DMD: variants seen among roughly 807,000 people sequenced by gnomAD.
DMD encodes mutant dystrophin.
Under a neutral mutation model 330.1 loss-of-function variants are expected in DMD, and 63 were observed. That is an observed-to-expected ratio of 0.19 (90% CI 0.16 to 0.24). The LOEUF (loss-of-function observed/expected upper bound fraction) is 0.24. Ranked by LOEUF, DMD falls within the 10% of genes least tolerant of loss-of-function variation. The pLI, the probability that DMD is intolerant of heterozygous loss-of-function variation, is 1.00. For missense variants in DMD, 3,344 were observed against 2,684.1 expected, an observed-to-expected ratio of 1.25 and a Z score of -5.43; for synonymous variants, 1,223 against 959.8, an observed-to-expected ratio of 1.27 and a Z score of -5.07.
chrX:33,233,133 T>C (rs772789026), intron 1 of DMD, among the ~76,000 whole-genome samples: 1 of 112,121 alleles, frequency 8.9e-6, no homozygotes, highest in Non-Finnish European at 1.9e-5. Flanking sequence ...TTAACCTGAT[T>C]TAATCACTCT....
At chrX:32,439,708 T>A (rs1008426913) in intron 28 of DMD, among the ~76,000 whole-genome samples, 1 of 111,311 alleles carries the variant, frequency 9.0e-6, no homozygotes, top group African/African-American at 3.3e-5. Flanking sequence ...AATGTCCTCC[T>A]GGATAAGCAT....
At chrX:31,950,995 C>T (rs1313689381) in intron 45 of DMD, among the ~76,000 whole-genome samples, 4 of 105,320 alleles carry the variant, frequency 3.8e-5, no homozygotes, top group Admixed American at 1.0e-4. Context: ...GGTTGAGTAT[C>T]CCATATCCAA....
chrX:31,671,342 T>C (rs1353588532), intron 53 of DMD, among the ~76,000 whole-genome samples: 1 of 112,848 alleles, frequency 8.9e-6, no homozygotes, highest in Non-Finnish European at 1.9e-5. Context: ...TCTATTGATA[T>C]GGTATAATAC....
intron 53 of DMD, among the ~76,000 whole-genome samples, chrX:31,661,634 G>T (rs765693744): frequency 1.8e-5 from 2 of 111,985 alleles, no homozygotes; most frequent in East Asian, 5.6e-4. Context: ...ACAGGGAATT[G>T]CTTGTGTGGT....
chrX:31,668,892 T>C (rs1185136402), intron 53 of DMD, among the ~76,000 whole-genome samples: 1 of 112,171 alleles, frequency 8.9e-6, no homozygotes, highest in African/African-American at 3.2e-5. Context: ...TTATTTCATT[T>C]AGTATAATGT....
intron 1 of DMD, among the ~76,000 whole-genome samples, chrX:33,157,543 T>A (rs2048563645): frequency 8.9e-6 from 1 of 112,326 alleles, no homozygotes; most frequent in Non-Finnish European, 1.9e-5. Context: ...GATAACACAA[T>A]CCTCAATGAA....
intron 54 of DMD, among the ~76,000 whole-genome samples, chrX:31,628,941 T>TATATATATATATA (rs1319231616): frequency 2.0e-5 from 2 of 102,211 alleles, no homozygotes; most frequent in African/African-American, 7.0e-5. Context: ...TATATATATA[T>TATATATATATATA]AAAATGCATG....
chrX:31,664,869 T>C (rs2081342384), intron 53 of DMD, among the ~76,000 whole-genome samples: 1 of 110,453 alleles, frequency 9.1e-6, no homozygotes, highest in Non-Finnish European at 1.9e-5. Flanking sequence ...ATTTCTCCTC[T>C]GTGTAAAACC....
intron 18 of DMD, among the ~76,000 whole-genome samples, chrX:32,507,640 T>A (rs1230166006): frequency 8.9e-6 from 1 of 111,796 alleles, no homozygotes; most frequent in Non-Finnish European, 1.9e-5. Flanking sequence ...TACTATTACT[T>A]TCCCATTTTG....
chrX:32,132,426 T>A (rs1256239753), intron 44 of DMD, among the ~76,000 whole-genome samples: 1 of 111,672 alleles, frequency 9.0e-6, no homozygotes, highest in Non-Finnish European at 1.9e-5. Context: ...TCTTATTTGG[T>A]GAAATGAGGA....
At chrX:32,428,379 C>T (rs954263466) in intron 29 of DMD, among the ~76,000 whole-genome samples, 1 of 111,278 alleles carries the variant, frequency 9.0e-6, no homozygotes, top group African/African-American at 3.3e-5. Context: ...AATGTATTGA[C>T]ATTTCCATGT....
chrX:32,722,026 T>G (rs1036720154), intron 7 of DMD, among the ~76,000 whole-genome samples: 1 of 110,789 alleles, frequency 9.0e-6, no homozygotes, highest in Non-Finnish European at 1.9e-5. Flanking sequence ...GTGTCTGTTT[T>G]TATGGCATTA....
chrX:32,969,970 T>C (rs1474633754), intron 2 of DMD, among the ~76,000 whole-genome samples: 2 of 95,417 alleles, frequency 2.1e-5, no homozygotes, highest in Non-Finnish European at 4.0e-5. Context: ...TGTAAATATG[T>C]AATTATACTT....
At position 32,190,550 on chromosome X, in the gene DMD, T is replaced by TTAGA. The variant is rs1198323604; in HGVS notation, c.6438+26365_6438+26366insTCTA. Among the ~76,000 whole-genome samples the TTAGA allele has an allele frequency of 7.2e-4, 45 of 62,518 alleles. No homozygotes were observed. In the East Asian group the frequency reaches 0.01, roughly 14 times the overall value. The allele number at this position is 62,518 out of a possible 115,157, so 54.3% of individuals were successfully genotyped here. The stretch of plus-strand genomic sequence containing the variant: ...ATTCTAGCTAACCATATTTAAAATT[T>TTAGA]TATATATATATATATATATATATAT... On this transcript the variant is annotated intron_variant, in intron 44 of 78. Transcript: ENST00000357033.
chrX:32,526,567 T>C (rs1189719351), intron 17 of DMD, among the ~76,000 whole-genome samples: 2 of 111,657 alleles, frequency 1.8e-5, no homozygotes, highest in African/African-American at 6.5e-5. Flanking sequence ...CTCAGTATTA[T>C]ATTGTACAAA....
intron 60 of DMD, among the ~76,000 whole-genome samples, chrX:31,411,467 G>A (rs752688670): frequency 9.0e-5 from 10 of 111,708 alleles, no homozygotes; most frequent in Non-Finnish European, 1.5e-4. Context: ...CGATTACTAC[G>A]GCAACAAAAG....
At chrX:32,499,450 C>A (rs768384565) in intron 19 of DMD, among the ~76,000 whole-genome samples, 27 of 111,249 alleles carry the variant, frequency 2.4e-4, no homozygotes, top group African/African-American at 8.1e-4. Context: ...AGTGGTTCAT[C>A]TTTATCTTAA....
chrX:32,692,709 GC>G (rs1356873711), intron 9 of DMD, among the ~76,000 whole-genome samples: 2 of 111,806 alleles, frequency 1.8e-5, no homozygotes, highest in Non-Finnish European at 3.8e-5. Context: ...ATATTAACTT[GC>G]CGAACTCTAT....
intron 1 of DMD, among the ~76,000 whole-genome samples, chrX:33,098,505 C>A (rs1034225417): frequency 9.0e-6 from 1 of 110,919 alleles, no homozygotes; most frequent in Non-Finnish European, 1.9e-5. Flanking sequence ...AAACCCAAGC[C>A]CTTCTCTTAA....
Sources: allele counts gnomAD v4.1 joint callset (sites outside exome capture counted in the v4.1 genomes callset), GRCh38; gene constraint gnomAD v4.1.1; transcripts MANE v1.5; gene names NCBI Gene and HGNC (gene_info 2026-07-23, HGNC 2026-07-21).